The following LRRTM4 variants were observed in gnomAD, a reference collection of about 807,000 sequenced individuals.
LRRTM4 encodes leucine rich repeat transmembrane neuronal 4.
In LRRTM4, 25 loss-of-function variants were observed where a neutral mutation model predicts 47.6. The ratio of observed to expected loss-of-function variants is 0.53; its 90% CI spans 0.38 to 0.73. LRRTM4 has a LOEUF of 0.73. LRRTM4 is among the 30% of genes least tolerant of loss of function. The probability of loss-of-function intolerance (pLI) is 0.00; values close to 1 mark genes in which losing one functional copy is unlikely to be tolerated. For synonymous variants in LRRTM4, 311 were observed against 269.5 expected (o/e 1.15, Z -1.51); for missense variants, 638 against 713.4 (o/e 0.89, Z 1.20).
intron 3 of LRRTM4, among the ~76,000 whole-genome samples, chr2:76,806,263 A>C (rs1675961990): frequency 6.6e-6 from 1 of 152,170 alleles, no homozygotes; most frequent in South Asian, 2.1e-4. Flanking sequence ...TGTCATTTTG[A>C]ACATCTTAAA....
Position 77,252,886 on chromosome 2 carries a change from G to A in LRRTM4, c.1551+265432C>T, listed in dbSNP as rs535684420. ...TCTTGGAAAGATTGCTTCTTCTCATGCCTCTCACCTAGACATGTAGATGGC... is the reference window on the plus strand; with the variant it reads ...TCTTGGAAAGATTGCTTCTTCTCATACCTCTCACCTAGACATGTAGATGGC... On this transcript the variant is annotated intron_variant, in intron 3 of 3. Transcript: ENST00000409884. Among the ~76,000 whole-genome samples, 10 of 152,212 alleles carry A rather than the reference G, an allele frequency of 6.6e-5. No individual in the cohort carries two copies. The South Asian group carries it at 1.0e-3, about 16-fold the overall frequency.
At chr2:77,306,348 T>C (rs1677271254) in intron 3 of LRRTM4, among the ~76,000 whole-genome samples, 1 of 152,190 alleles carries the variant, frequency 6.6e-6, no homozygotes, top group Admixed American at 6.5e-5. Context: ...ATGGCTTATA[T>C]CAGGTTGGTA....
At chr2:77,511,975 G>A (rs530188216) in intron 3 of LRRTM4, among the ~76,000 whole-genome samples, 7 of 152,024 alleles carry the variant, frequency 4.6e-5, no homozygotes, top group Admixed American at 6.6e-5. Flanking sequence ...AAGAGACAGC[G>A]TCTTAGTTTT....
intron 3 of LRRTM4, among the ~76,000 whole-genome samples, chr2:77,409,568 T>C (rs1573375372): frequency 6.6e-6 from 1 of 152,326 alleles, no homozygotes; most frequent in East Asian, 1.9e-4. Context: ...TCAATAATTG[T>C]TCTTGTTTCT....
At chr2:76,902,607 C>G (rs1429984286) in intron 3 of LRRTM4, among the ~76,000 whole-genome samples, 1 of 152,130 alleles carries the variant, frequency 6.6e-6, no homozygotes, top group South Asian at 2.1e-4. Flanking sequence ...AGACCAGAGG[C>G]TGTAATGGGG....
intron 3 of LRRTM4, among the ~76,000 whole-genome samples, chr2:77,276,978 T>G (rs937763405): frequency 2.0e-5 from 3 of 151,720 alleles, no homozygotes; most frequent in Non-Finnish European, 4.4e-5. Flanking sequence ...CACATTGTCC[T>G]TGAGATAATG....
chr2:77,331,776 A>C (rs969660423), intron 3 of LRRTM4, among the ~76,000 whole-genome samples: 1 of 152,178 alleles, frequency 6.6e-6, no homozygotes, highest in Non-Finnish European at 1.5e-5. Context: ...ACACTTTAAT[A>C]GCAGTTGATA....
intron 3 of LRRTM4, among the ~76,000 whole-genome samples, chr2:77,209,229 G>A (rs143703141): frequency 6.6e-6 from 1 of 152,132 alleles, no homozygotes; most frequent in Non-Finnish European, 1.5e-5. Flanking sequence ...AAATTCACAA[G>A]CAAGCTGTAC....
In LRRTM4 at chr2:77,513,560, T is replaced by C. The variant is rs141379225; in HGVS notation, c.1551+4758A>G. ...TTAGACTACATAGATGTAAGATACT[T>C]ATAATTTATATTTTATTTGTTTATT... On this transcript the variant is annotated intron_variant, in intron 3 of 3. Coordinates refer to ENST00000409884, the MANE Select transcript of LRRTM4 (RefSeq NM_001134745.3). Among the ~76,000 whole-genome samples, 441 of 147,724 alleles carry C rather than the reference T, an allele frequency of 3.0e-3. 6 individuals are homozygous for C. Among genetic ancestry groups the C allele is most frequent in the African/African-American group, 0.011 (421 of 40,000 alleles).
chr2:77,256,100 T>C (rs983741602), intron 3 of LRRTM4, among the ~76,000 whole-genome samples: 5 of 152,012 alleles, frequency 3.3e-5, no homozygotes, highest in South Asian at 2.1e-4. Flanking sequence ...GTTATCTTTA[T>C]AGTCTCTGTA....
chr2:77,197,243 A>G (rs2103891761), intron 3 of LRRTM4, among the ~76,000 whole-genome samples: 1 of 152,300 alleles, frequency 6.6e-6, no homozygotes, highest in South Asian at 2.1e-4. Context: ...AAGGCATCCC[A>G]AAATAAGTGT....
chr2:77,047,901 T>C (rs1376752163), intron 3 of LRRTM4, among the ~76,000 whole-genome samples: 1 of 152,052 alleles, frequency 6.6e-6, no homozygotes, highest in Non-Finnish European at 1.5e-5. Flanking sequence ...AAGTTTGGGG[T>C]TGAGGTCCAG....
chr2:77,350,506 T>C (rs140504351), intron 3 of LRRTM4, among the ~76,000 whole-genome samples: 541 of 152,182 alleles, frequency 3.6e-3, no homozygotes, highest in African/African-American at 0.013. Flanking sequence ...AGTGTTAAGG[T>C]ATAACTTTGT....
chr2:76,949,212 T>C (rs1675422192), intron 3 of LRRTM4, among the ~76,000 whole-genome samples: 1 of 151,884 alleles, frequency 6.6e-6, no homozygotes, highest in Admixed American at 6.6e-5. Flanking sequence ...ATTGGAGAAA[T>C]CCTCAACACT....
chr2:76,887,559 A>G (rs1673116872), intron 3 of LRRTM4, among the ~76,000 whole-genome samples: 1 of 150,284 alleles, frequency 6.7e-6, no homozygotes, highest in Non-Finnish European at 1.5e-5. Flanking sequence ...TCATTTTGAC[A>G]TATGTGCAAA....
rs1446770907 is a variant in LRRTM4, at chr2:77,007,916, CA to C, written c.1552-259001del. On this transcript the variant is annotated intron_variant, in intron 3 of 3. Coordinates refer to ENST00000409884, the MANE Select transcript of LRRTM4 (RefSeq NM_001134745.3). ...TTTGTCCTATATCCAAGATAGCTTT[CA>C]TATAGCTTCATTGTTCCTTCAATGA... is the stretch of plus-strand genomic sequence containing the variant. Among the ~76,000 whole-genome samples the C allele has an allele frequency of 6.6e-5, 10 of 152,264 alleles. No homozygotes were observed. The East Asian group carries it at 1.7e-3, about 26-fold the overall frequency.
intron 3 of LRRTM4, among the ~76,000 whole-genome samples, chr2:77,110,326 C>T (rs1488938572): frequency 1.3e-5 from 2 of 151,980 alleles, no homozygotes; most frequent in East Asian, 1.9e-4. Flanking sequence ...CATTACAGAA[C>T]CAAATAAAAT....
chr2:77,052,113 G>A lies in LRRTM4; in HGVS notation c.1552-303197C>T, dbSNP rs566912149. On this transcript the variant is annotated intron_variant, in intron 3 of 3. Transcript: ENST00000409884. ...AACAAAGGAATACAAAAGGATTCCT[G>A]GGAAAAGGAATGCAAAAAAAAATAC... 3.4e-5 allele frequency among the ~76,000 whole-genome samples: 5 copies of A among 149,228 alleles called. No homozygotes were observed. The East Asian group carries it at 9.8e-4, about 29-fold the overall frequency.
intron 3 of LRRTM4, among the ~76,000 whole-genome samples, chr2:77,060,721 G>A (rs1217447261): frequency 1.3e-5 from 2 of 152,082 alleles, no homozygotes; most frequent in South Asian, 2.1e-4. Flanking sequence ...GCCATTAACA[G>A]TTCTTACCTT....
Sources: gnomAD v4.1 joint callset for allele counts (sites outside exome capture counted in the v4.1 genomes callset) on GRCh38, gnomAD v4.1.1 for gene constraint, MANE v1.5 for transcripts, NCBI Gene and HGNC (gene_info 2026-07-23, HGNC 2026-07-21) for gene names.